Variants in CDK12 observed in about 807,000 individuals in gnomAD.
The protein encoded by CDK12 is cyclin dependent kinase 12.
A neutral mutation model predicts 133.8 loss-of-function variants in CDK12; 17 were observed. The ratio of observed to expected loss-of-function variants is 0.13; its 90% CI spans 0.09 to 0.19. The LOEUF (loss-of-function observed/expected upper bound fraction) is 0.19, where lower values mean the gene tolerates loss of function less well. Among genes scored for constraint, CDK12 ranks in the 10% least tolerant of loss-of-function variants. The pLI, the probability that CDK12 is intolerant of heterozygous loss-of-function variation, is 1.00. For synonymous variants in CDK12, 694 were observed against 683.6 expected, an observed-to-expected ratio of 1.02 and a Z score of -0.24; for missense variants, 1,508 against 1,818.7, an observed-to-expected ratio of 0.83 and a Z score of 3.11.
intron 2 of CDK12, among the ~76,000 whole-genome samples, chr17:39,481,026 G>A (rs1404064354): frequency 2.0e-5 from 3 of 152,096 alleles, no homozygotes; most frequent in Admixed American, 6.6e-5. Context: ...GGCCGAGGCC[G>A]GCGGATCACC....
At chr17:39,555,117 C>T (rs2056103903) in intron 2 of CDK12, among the ~76,000 whole-genome samples, 1 of 151,624 alleles carries the variant, frequency 6.6e-6, no homozygotes, top group Non-Finnish European at 1.5e-5. Flanking sequence ...TGGTGGCAGG[C>T]TCCTGTAATC....
chr17:39,562,910 T>C (rs1202326341), intron 3 of CDK12, among the ~76,000 whole-genome samples: 4 of 147,350 alleles, frequency 2.7e-5, no homozygotes, highest in Non-Finnish European at 6.0e-5. Context: ...TTCTTTTTTT[T>C]TTTTTTTTTT....
chr17:39,531,854 T>C lies in CDK12; in HGVS notation c.*538T>C, dbSNP rs2054862787. The C allele has an allele frequency of 4.3e-6, 1 of 234,044 alleles. No homozygotes were observed. The highest frequency in any genetic ancestry group is 8.5e-6 in the Non-Finnish European group (1 of 118,166). 14.5% of individuals were successfully genotyped at this position (234,044 alleles called of 1,614,324 possible). A position where few individuals can be genotyped will look rare whatever the true frequency, so the allele number is the denominator to read the frequency against. ...AACAGAGTGGCCTGGCTGATTTGAATAAATGTTTCTTTCCTCTCCACCATC... is the reference window on the plus strand; with the variant it reads ...AACAGAGTGGCCTGGCTGATTTGAACAAATGTTTCTTTCCTCTCCACCATC... On this transcript the variant is annotated 3_prime_UTR_variant, in exon 14 of 14. Transcript: ENST00000447079.
At chr17:39,479,222 G>A (rs1053550715) in intron 2 of CDK12, among the ~76,000 whole-genome samples, 11 of 146,872 alleles carry the variant, frequency 7.5e-5, no homozygotes, top group African/African-American at 2.8e-4. Flanking sequence ...GCAGGAGAAT[G>A]GCATGAGCCC....
At chr17:39,478,898 C>G (rs1165754414) in intron 2 of CDK12, among the ~76,000 whole-genome samples, 1 of 152,072 alleles carries the variant, frequency 6.6e-6, no homozygotes. Flanking sequence ...GTTTCTGTTT[C>G]TATTTTGTAT....
upstream of CDK12, chr17:39,544,187 A>G (rs1189455950): frequency 4.2e-6 from 2 of 477,222 alleles, no homozygotes; most frequent in Non-Finnish European, 8.4e-6. Flanking sequence ...AAGACCAAAG[A>G]TGTTCTTTGG....
In CDK12 at chr17:39,533,374, T is replaced by C. The variant is rs2054976899; in HGVS notation, c.*2058T>C. The C allele has an allele frequency of 4.3e-6, 1 of 233,098 alleles. No homozygotes were observed. The highest frequency in any genetic ancestry group is 1.8e-4 in the South Asian group (1 of 5,530). 14.4% of individuals were successfully genotyped at this position (233,098 alleles called of 1,614,324 possible). A position where few individuals can be genotyped will look rare whatever the true frequency, so the allele number is the denominator to read the frequency against. On this transcript the variant is annotated 3_prime_UTR_variant, in exon 14 of 14. Coordinates refer to ENST00000447079, the MANE Select transcript of CDK12 (RefSeq NM_016507.4). Reference sequence around the variant, plus strand: ...TCTGAACCTTCTGTCTGTTGACTTCTTAGTCCTCAGACATGGGCCTTTGTG... The same window carrying C: ...TCTGAACCTTCTGTCTGTTGACTTCCTAGTCCTCAGACATGGGCCTTTGTG...
chr17:39,516,177 A>G (rs1030253348), intron 9 of CDK12, among the ~76,000 whole-genome samples: 1 of 152,336 alleles, frequency 6.6e-6, no homozygotes, highest in African/African-American at 2.4e-5. Flanking sequence ...GATAAAAAAT[A>G]GGTCCCCGCC....
chr17:39,502,398 C>T (rs2052786671), intron 6 of CDK12, among the ~76,000 whole-genome samples: 1 of 152,166 alleles, frequency 6.6e-6, no homozygotes, highest in Non-Finnish European at 1.5e-5. Flanking sequence ...CGTGATCCGC[C>T]CACCTCGGCC....
intron 2 of CDK12, among the ~76,000 whole-genome samples, chr17:39,486,566 T>C (rs1045847078): frequency 6.6e-6 from 1 of 152,168 alleles, no homozygotes; most frequent in African/African-American, 2.4e-5. Context: ...ATGCTCAGCC[T>C]GATTTTTCTT....
At chr17:39,540,959 G>T (rs16965156) in intron 1 of CDK12, among the ~76,000 whole-genome samples, 3,779 of 152,330 alleles carry the variant, frequency 0.025, 67 homozygotes, top group Middle Eastern at 0.061. Flanking sequence ...TTTATAGGAA[G>T]CCAAGTAGCT....
intron 6 of CDK12, among the ~76,000 whole-genome samples, chr17:39,504,898 A>AAAC (rs1332593226): frequency 6.7e-6 from 1 of 150,310 alleles, no homozygotes; most frequent in Non-Finnish European, 1.5e-5. Flanking sequence ...AAAAAAAAAA[A>AAAC]ACGCTAAGGA....
chr17:39,471,406 C>T lies in CDK12; in HGVS notation c.1574C>T (p.Thr525Ile). 1 of 1,613,526 alleles carries T rather than the reference C, an allele frequency of 6.2e-7. No individual in the cohort carries two copies. Among genetic ancestry groups the T allele is most frequent in the Non-Finnish European group, 8.5e-7 (1 of 1,179,702 alleles). Residue 525 changes from threonine (T) to isoleucine (I), a missense_variant, in exon 2 of 14, where the codon ACC (threonine) becomes ATC (isoleucine). Around this residue, in one of 9 missense-constraint regions of CDK12, gnomAD observed 347 missense variants for 330.8 expected, o/e 1.05. Coordinates refer to ENST00000447079, the MANE Select transcript of CDK12 (RefSeq NM_016507.4). ...PKETETSEKE[T>I]PPPLPTIASP... is the part of the protein sequence containing the mutation. ...GAGACAGAAACATCAGAAAAGGAGA[C>T]CCCTCCACCTCTTCCCACAATTGCT...
At chr17:39,476,711 C>CCTTTTTTTT (rs1555553398) in intron 2 of CDK12, among the ~76,000 whole-genome samples, 1 of 84,530 alleles carries the variant, frequency 1.2e-5, no homozygotes, top group African/African-American at 5.7e-5. Flanking sequence ...CCATGCCTGC[C>CCTTTTTTTT]TTTTTTTTTT....
chr17:39,545,640 A>G (rs1184207459), upstream of CDK12, among the ~76,000 whole-genome samples: 1 of 151,528 alleles, frequency 6.6e-6, no homozygotes, highest in African/African-American at 2.4e-5. Context: ...CTGGGATTAC[A>G]GGTGCCCGCC....
intron 2 of CDK12, among the ~76,000 whole-genome samples, chr17:39,474,287 G>A (rs2050020936): frequency 1.3e-5 from 2 of 152,126 alleles, no homozygotes; most frequent in Non-Finnish European, 2.9e-5. Context: ...TAATTCCCAA[G>A]CCTTCATTCC....
chr17:39,530,647 G>GC lies in CDK12; in HGVS notation c.3810dup (p.Gly1271ArgfsTer13), dbSNP rs772711685. The GC allele has an allele frequency of 6.2e-7, 1 of 1,605,844 alleles. No homozygotes were observed. Among genetic ancestry groups the GC allele is most frequent in the Non-Finnish European group, 8.5e-7 (1 of 1,174,530 alleles). On this transcript the variant is annotated frameshift_variant, in exon 14 of 14. Transcript: ENST00000447079. LOFTEE classifies it high-confidence loss of function. ...TTCCACCAGAGAAGAGGCCCCCTGAGCCCCCCGGACCTCCACCGCCGCCAC... is the reference window on the plus strand; with the variant it reads ...TTCCACCAGAGAAGAGGCCCCCTGAGCCCCCCCGGACCTCCACCGCCGCCAC...
At chr17:39,504,122 G>A (rs2052928579) in intron 6 of CDK12, among the ~76,000 whole-genome samples, 1 of 152,176 alleles carries the variant, frequency 6.6e-6, no homozygotes, top group Non-Finnish European at 1.5e-5. Context: ...ACAGGTTTCT[G>A]ACTTGAAAAA....
At position 39,492,782 on chromosome 17, in the gene CDK12, C is replaced by G. The variant is rs1437586282; in HGVS notation, c.2140C>G (p.Gln714Glu). 1 of 1,138,770 alleles carries G rather than the reference C, an allele frequency of 8.8e-7. No individual in the cohort carries two copies. The highest frequency in any genetic ancestry group is 1.3e-6 in the Non-Finnish European group (1 of 791,524). 70.5% of individuals were successfully genotyped at this position (1,138,770 alleles called of 1,614,324 possible). A position where few individuals can be genotyped will look rare whatever the true frequency, so the allele number is the denominator to read the frequency against. The part of the protein sequence containing the change: ...ICCPRYGERR[Q>E]TESDWGKRCV... ...TTGTCCTCGTTATGGAGAAAGAAGA[C>G]AAACAGAAAGCGACTGGGGGAAACG... Residue 714 changes from glutamine to glutamate, a missense_variant, in exon 4 of 14, where the codon CAA becomes GAA. Gln to Glu is a conservative substitution (Grantham distance 29). Around this residue, in one of 9 missense-constraint regions of CDK12, gnomAD observed 74 missense variants for 160.2 expected, o/e 0.46. Coordinates refer to ENST00000447079, the MANE Select transcript of CDK12 (RefSeq NM_016507.4).
Sources: gnomAD v4.1 joint callset for allele counts (sites outside exome capture counted in the v4.1 genomes callset) on GRCh38, gnomAD v4.1.1 for gene constraint, gnomAD v4.1.1 regional missense constraint, MANE v1.5 for transcripts, NCBI Gene and HGNC (gene_info 2026-07-23, HGNC 2026-07-21) for gene names.